SYT2: variants seen among roughly 807,000 people sequenced by gnomAD.
SYT2 encodes the protein synaptotagmin 2, also known as synaptotagmin-2.
SYT2 carries 15 observed loss-of-function variants against 39.9 expected under a neutral mutation model. The observed-to-expected ratio is 0.38, with a 90% confidence interval of 0.25 to 0.58. The LOEUF (loss-of-function observed/expected upper bound fraction) is 0.58. SYT2 is among the 20% of genes least tolerant of loss of function. The pLI is 0.70. For synonymous variants in SYT2, 181 were observed against 204.5 expected (o/e 0.89, Z 0.98); for missense variants, 389 against 530.3 (o/e 0.73, Z 2.62).
chr1:202,672,057 G>A (rs1056387751), intron 1 of SYT2, among the ~76,000 whole-genome samples: 3 of 152,188 alleles, frequency 2.0e-5, no homozygotes, highest in Admixed American at 6.5e-5. Flanking sequence ...CCAGATAGGG[G>A]AACGGCAGGT....
At chr1:202,701,193 C>T (rs550710532) in intron 1 of SYT2, among the ~76,000 whole-genome samples, 1 of 152,314 alleles carries the variant, frequency 6.6e-6, no homozygotes, top group South Asian at 2.1e-4. Context: ...GCCACAAATA[C>T]TGCCAGTTGT....
intron 1 of SYT2, among the ~76,000 whole-genome samples, chr1:202,687,690 GAAAGA>G (rs1653707647): frequency 2.8e-5 from 4 of 141,638 alleles, no homozygotes; most frequent in Non-Finnish European, 6.2e-5. Flanking sequence ...AAAAAGAAAA[GAAAGA>G]AAAAGAAAGA....
chr1:202,689,662 C>T (rs1162747167), intron 1 of SYT2, among the ~76,000 whole-genome samples: 1 of 152,074 alleles, frequency 6.6e-6, no homozygotes, highest in Non-Finnish European at 1.5e-5. Context: ...GGGCAGGGAA[C>T]ACTGTGGGGG....
intron 1 of SYT2, among the ~76,000 whole-genome samples, chr1:202,683,119 C>T (rs922309391): frequency 2.0e-5 from 3 of 152,268 alleles, no homozygotes; most frequent in East Asian, 1.9e-4. Flanking sequence ...AGCAGGAATT[C>T]GCCATCACTA....
intron 1 of SYT2, among the ~76,000 whole-genome samples, chr1:202,687,620 T>C (rs1653703294): frequency 7.0e-6 from 1 of 141,902 alleles, no homozygotes; most frequent in South Asian, 2.2e-4. Flanking sequence ...GAGCTGAGGT[T>C]GCGCCATTGT....
intron 2 of SYT2, chr1:202,604,924 T>C: frequency 3.1e-6 from 1 of 323,654 alleles, no homozygotes; most frequent in Non-Finnish European, 5.7e-6. Context: ...AGTTTAGCTC[T>C]ATTGAGTTTT....
At chr1:202,620,788 G>T (rs1262297624) in intron 1 of SYT2, among the ~76,000 whole-genome samples, 1 of 152,150 alleles carries the variant, frequency 6.6e-6, no homozygotes, top group Non-Finnish European at 1.5e-5. Context: ...GAGGAGGAAG[G>T]TGGGGTGAGA....
rs774389303 is a variant in SYT2 at position 202,599,212 on chromosome 1, C to CAG, written c.1053+4_1053+5dup. The CAG allele has an allele frequency of 9.9e-6, 16 of 1,613,210 alleles. No homozygotes were observed. In the South Asian group the frequency reaches 1.8e-4, roughly 18 times the overall value. On this transcript the variant is annotated splice_donor_region_variant and intron_variant, in intron 8 of 8. Transcript: ENST00000367268. The surrounding 1 kb of genome is among the most constrained non-coding windows in gnomAD (Gnocchi z 4.4). ...CTCCATGCCTAGGAACCCAGGGCTC[C>CAG]AGCACCTGAATCTGCTCGAAGGGGA... is the stretch of plus-strand genomic sequence containing the variant.
intron 1 of SYT2, among the ~76,000 whole-genome samples, chr1:202,682,994 A>G (rs900582742): frequency 7.2e-5 from 11 of 152,214 alleles, no homozygotes; most frequent in African/African-American, 2.7e-4. Flanking sequence ...GCATTTGGAA[A>G]GGGGCTCAAT....
intron 1 of SYT2, among the ~76,000 whole-genome samples, chr1:202,710,011 C>G (rs78985989): frequency 0.065 from 9,828 of 152,086 alleles, 531 homozygotes; most frequent in East Asian, 0.24. Flanking sequence ...CAGCCCAGCC[C>G]CAGTCCCTCA....
intron 1 of SYT2, among the ~76,000 whole-genome samples, chr1:202,625,427 G>C (rs1392886020): frequency 7.3e-6 from 1 of 137,206 alleles, no homozygotes; most frequent in Non-Finnish European, 1.7e-5. Context: ...CGTGGACTGG[G>C]AGTGTAAGGG....
intron 1 of SYT2, among the ~76,000 whole-genome samples, chr1:202,700,649 C>T (rs541636180): frequency 3.9e-5 from 6 of 152,220 alleles, no homozygotes; most frequent in Middle Eastern, 3.4e-3. Context: ...AGTAAAATAT[C>T]TAGTAAGAAG....
At chr1:202,657,425 CAG>C (rs1269830534) in intron 1 of SYT2, among the ~76,000 whole-genome samples, 1 of 152,134 alleles carries the variant, frequency 6.6e-6, no homozygotes. Context: ...GGACCCTGGA[CAG>C]AAGCTGCTCC....
intron 1 of SYT2, among the ~76,000 whole-genome samples, chr1:202,647,087 T>A (rs1418705669): frequency 2.0e-5 from 3 of 152,090 alleles, no homozygotes; most frequent in Non-Finnish European, 4.4e-5. Context: ...GTGGCCAGGG[T>A]AGGGTTGGGG....
chr1:202,663,083 T>G (rs1048932993), intron 1 of SYT2, among the ~76,000 whole-genome samples: 1 of 145,336 alleles, frequency 6.9e-6, no homozygotes, highest in African/African-American at 2.4e-5. Context: ...GAAGTTTTCC[T>G]GGGATTATGA....
rs1690241549 is a variant in SYT2 at position 202,595,129 on chromosome 1, G to A, written c.*1628C>T. ...AGGGCTTCATGGATGGAAAAGAGAG[G>A]TCAAAGGAAGGCAGGCAAGGAGGGC... On this transcript the variant is annotated 3_prime_UTR_variant, in exon 9 of 9. Transcript: ENST00000367268. The A allele has an allele frequency of 6.6e-6, 1 of 152,352 alleles. No homozygotes were observed. Among genetic ancestry groups the A allele is most frequent in the Admixed American group, 6.5e-5 (1 of 15,288 alleles). 9.4% of individuals were successfully genotyped at this position (152,352 alleles called of 1,614,324 possible).
chr1:202,625,334 A>G (rs150262593), intron 1 of SYT2, among the ~76,000 whole-genome samples: 4 of 3,630 alleles, frequency 1.1e-3, no homozygotes, highest in Non-Finnish European at 2.0e-3. Context: ...TGTGTGTGGC[A>G]TGTAGTAGGG....
At chr1:202,604,732 A>T in intron 2 of SYT2, 111 bp from the exon 3 acceptor site, 1 of 1,022,186 alleles carries the variant, frequency 9.8e-7, no homozygotes, top group East Asian at 2.7e-5. Context: ...CACAATGCCC[A>T]CACCCCACAT....
chr1:202,708,932 C>A (rs1406577570), intron 1 of SYT2, among the ~76,000 whole-genome samples: 1 of 152,160 alleles, frequency 6.6e-6, no homozygotes, highest in Admixed American at 6.5e-5. Flanking sequence ...CTTCTGTCAC[C>A]CCCTCTAATG....
Sources: allele counts gnomAD v4.1 joint callset (sites outside exome capture counted in the v4.1 genomes callset), GRCh38; gene constraint gnomAD v4.1.1; non-coding constraint Gnocchi (gnomAD v3.1); transcripts MANE v1.5; gene names NCBI Gene and HGNC (gene_info 2026-07-23, HGNC 2026-07-21).